CCSER1: variants seen among roughly 807,000 people sequenced by gnomAD.
CCSER1 encodes the protein coiled-coil serine rich protein 1.
In CCSER1, 41 loss-of-function variants were observed where a neutral mutation model predicts 82.0. That is an observed-to-expected ratio of 0.50 (90% CI 0.39 to 0.65). CCSER1 has a LOEUF of 0.65. Among genes scored for constraint, CCSER1 ranks in the 30% least tolerant of loss-of-function variants. CCSER1 has a pLI of 0.00. For synonymous variants in CCSER1, 414 were observed against 383.9 expected (o/e 1.08, Z -0.92); for missense variants, 1,119 against 1,064.2 (o/e 1.05, Z -0.72).
chr4:90,631,122 T>C (rs1243517220), intron 6 of CCSER1, among the ~76,000 whole-genome samples: 1 of 152,022 alleles, frequency 6.6e-6, no homozygotes, highest in Admixed American at 6.5e-5. Flanking sequence ...CTTGATCTCA[T>C]GACCTCGTGA....
chr4:91,392,363 GCACACA>G (rs142343973), intron 10 of CCSER1, among the ~76,000 whole-genome samples: 3 of 148,216 alleles, frequency 2.0e-5, no homozygotes, highest in East Asian at 2.0e-4. Flanking sequence ...ACCTACACAT[GCACACA>G]CACACACACA....
At chr4:90,967,595 A>T (rs751670604) in intron 9 of CCSER1, among the ~76,000 whole-genome samples, 3 of 152,150 alleles carry the variant, frequency 2.0e-5, no homozygotes, top group Non-Finnish European at 4.4e-5. Flanking sequence ...CTAATACTAC[A>T]AAATTTTTAT....
chr4:91,198,614 C>A (rs1248897926), intron 10 of CCSER1, among the ~76,000 whole-genome samples: 1 of 151,982 alleles, frequency 6.6e-6, no homozygotes, highest in Non-Finnish European at 1.5e-5. Context: ...AATCATAGAG[C>A]TGCATGATCC....
chr4:91,362,350 T>A (rs898517959), intron 10 of CCSER1, among the ~76,000 whole-genome samples: 8 of 151,872 alleles, frequency 5.3e-5, no homozygotes, highest in South Asian at 2.1e-4. Flanking sequence ...ACTTAAGTTA[T>A]TGATGGTCTG....
chr4:91,442,990 T>A (rs1755289619), intron 10 of CCSER1, among the ~76,000 whole-genome samples: 1 of 152,058 alleles, frequency 6.6e-6, no homozygotes, highest in Non-Finnish European at 1.5e-5. Context: ...CTGGAGAGGA[T>A]GTGGAGAAAC....
chr4:90,705,314 G>C (rs1739107407), intron 6 of CCSER1, among the ~76,000 whole-genome samples: 1 of 152,216 alleles, frequency 6.6e-6, no homozygotes, highest in African/African-American at 2.4e-5. Context: ...AAATGTTGCT[G>C]TCTGATTGTT....
rs537842130 is a variant in CCSER1, at chr4:91,175,395, C to T, written c.2217+89401C>T. On this transcript the variant is annotated intron_variant, in intron 10 of 10. Transcript: ENST00000509176. Reference sequence around the variant, plus strand: ...TAGTTCCAGATCCTTGAGGAATCGCCACACTGCCTTCCACAATGGTTGAAC... The same window carrying T: ...TAGTTCCAGATCCTTGAGGAATCGCTACACTGCCTTCCACAATGGTTGAAC... Among the ~76,000 whole-genome samples, 20 of 152,288 alleles carry T rather than the reference C, an allele frequency of 1.3e-4. No individual in the cohort carries two copies. In the East Asian group the frequency reaches 3.7e-3, roughly 28 times the overall value.
intron 10 of CCSER1, among the ~76,000 whole-genome samples, chr4:91,363,909 C>A (rs759430091): frequency 6.6e-6 from 1 of 151,668 alleles, no homozygotes; most frequent in Non-Finnish European, 1.5e-5. Context: ...ACAAATGAGA[C>A]TCTAACTGTA....
chr4:91,070,901 ACT>A (rs1455384032), intron 9 of CCSER1, among the ~76,000 whole-genome samples: 1 of 152,046 alleles, frequency 6.6e-6, no homozygotes, highest in African/African-American at 2.4e-5. Context: ...ATGATGGCAC[ACT>A]CTCTGTGGTG....
At chr4:90,351,736 A>G (rs1307564889) in intron 3 of CCSER1, among the ~76,000 whole-genome samples, 2 of 152,154 alleles carry the variant, frequency 1.3e-5, no homozygotes. Context: ...TCTTCTGCAG[A>G]TTTTGTCTAC....
chr4:91,146,407 G>A (rs1050117330), intron 10 of CCSER1, among the ~76,000 whole-genome samples: 1 of 152,052 alleles, frequency 6.6e-6, no homozygotes, highest in Non-Finnish European at 1.5e-5. Flanking sequence ...CCCTGATTCT[G>A]AATTTTATGT....
intron 1 of CCSER1, among the ~76,000 whole-genome samples, chr4:90,174,310 C>T (rs1385462420): frequency 6.6e-6 from 1 of 151,834 alleles, no homozygotes; most frequent in African/African-American, 2.4e-5. Context: ...TAAGCAAATG[C>T]CATTTATTTG....
chr4:91,347,820 A>G (rs1748161419), intron 10 of CCSER1, among the ~76,000 whole-genome samples: 1 of 151,352 alleles, frequency 6.6e-6, no homozygotes, highest in Non-Finnish European at 1.5e-5. Context: ...TATTAGTCTT[A>G]TATCCTCCAA....
At chr4:91,327,508 T>C (rs571410157) in intron 10 of CCSER1, among the ~76,000 whole-genome samples, 11 of 152,324 alleles carry the variant, frequency 7.2e-5, no homozygotes, top group Admixed American at 2.6e-4. Flanking sequence ...CTCCTAGGCC[T>C]CCAGGCCTGT....
intron 8 of CCSER1, among the ~76,000 whole-genome samples, chr4:90,914,468 T>C (rs967856447): frequency 2.8e-4 from 43 of 152,026 alleles, no homozygotes; most frequent in African/African-American, 9.4e-4. Context: ...CACAACAAAC[T>C]AGAATCTCTG....
intron 5 of CCSER1, among the ~76,000 whole-genome samples, chr4:90,508,784 T>C (rs191279085): frequency 1.3e-5 from 2 of 152,114 alleles, no homozygotes; most frequent in Admixed American, 1.3e-4. Context: ...CTTTTTTATT[T>C]AAAACATAAT....
At chr4:90,773,569 C>A (rs1752512755) in intron 7 of CCSER1, among the ~76,000 whole-genome samples, 1 of 152,078 alleles carries the variant, frequency 6.6e-6, no homozygotes, top group Admixed American at 6.5e-5. Context: ...AATACCTTCC[C>A]ACCTCCTCTC....
intron 10 of CCSER1, among the ~76,000 whole-genome samples, chr4:91,474,655 C>G (rs771742140): frequency 1.5e-4 from 23 of 151,204 alleles, no homozygotes; most frequent in Non-Finnish European, 3.1e-4. Flanking sequence ...TATGAACCCA[C>G]TCTCCATTTT....
intron 8 of CCSER1, among the ~76,000 whole-genome samples, chr4:90,820,325 T>C (rs948968675): frequency 6.6e-6 from 1 of 152,188 alleles, no homozygotes; most frequent in Non-Finnish European, 1.5e-5. Flanking sequence ...GACTGGATAA[T>C]TTATGGTAAT....
Sources: allele counts gnomAD v4.1 joint callset (sites outside exome capture counted in the v4.1 genomes callset), GRCh38; gene constraint gnomAD v4.1.1; transcripts MANE v1.5; gene names NCBI Gene and HGNC (gene_info 2026-07-23, HGNC 2026-07-21).